The following MELK variants were observed in gnomAD, a reference collection of about 807,000 sequenced individuals.
MELK encodes maternal embryonic leucine zipper kinase.
MELK carries 81 observed loss-of-function variants against 85.0 expected under a neutral mutation model. The observed-to-expected ratio is 0.95, with a 90% confidence interval of 0.80 to 1.15. The LOEUF (loss-of-function observed/expected upper bound fraction) is 1.15. Ranked by LOEUF, MELK falls within the 50% of genes most tolerant of loss-of-function variation. The pLI is 0.00. For synonymous variants in MELK, 252 were observed against 265.0 expected (o/e 0.95, Z 0.48); for missense variants, 754 against 777.5 (o/e 0.97, Z 0.36).
At chr9:36,643,794 C>T (rs1321315865) in intron 11 of MELK, among the ~76,000 whole-genome samples, 3 of 151,752 alleles carry the variant, frequency 2.0e-5, no homozygotes, top group South Asian at 2.1e-4. Flanking sequence ...ATTAGCCGGG[C>T]GTTGTAGCAG....
intron 8 of MELK, among the ~76,000 whole-genome samples, chr9:36,625,372 C>T (rs971713914): frequency 6.6e-6 from 1 of 152,140 alleles, no homozygotes; most frequent in Non-Finnish European, 1.5e-5. Flanking sequence ...ACTGGGATCA[C>T]GAAAAGCCTG....
intron 14 of MELK, among the ~76,000 whole-genome samples, chr9:36,667,468 AT>A (rs988527518): frequency 3.3e-4 from 50 of 152,228 alleles, no homozygotes; most frequent in Admixed American, 6.5e-4. Flanking sequence ...GGGCTTTTTT[AT>A]TTAAAAAAAA....
At chr9:36,672,963 TA>T (rs1833014230) in intron 16 of MELK, among the ~76,000 whole-genome samples, 2 of 152,352 alleles carry the variant, frequency 1.3e-5, no homozygotes, top group South Asian at 4.1e-4. Context: ...AAATTAACCT[TA>T]TTTTTTTTCA....
At chr9:36,597,118 T>G (rs2135521576) in intron 5 of MELK, 104 bp from the exon 6 acceptor site, 18 of 882,170 alleles carry the variant, frequency 2.0e-5, no homozygotes, top group Non-Finnish European at 3.1e-5. Context: ...ATTACAGGCA[T>G]GAGCTGCCAC....
intron 9 of MELK, among the ~76,000 whole-genome samples, chr9:36,631,772 T>C (rs1188148973): frequency 6.6e-6 from 1 of 152,102 alleles, no homozygotes; most frequent in Non-Finnish European, 1.5e-5. Context: ...GTTTTCTTTT[T>C]TTTTTGGTTG....
intron 8 of MELK, among the ~76,000 whole-genome samples, chr9:36,615,541 G>T (rs1262687947): frequency 7.2e-6 from 1 of 139,114 alleles, no homozygotes; most frequent in African/African-American, 3.1e-5. Flanking sequence ...GGGCGGAGAC[G>T]CTCCTCACTT....
rs140035730 is a variant in MELK, at chr9:36,656,288, C to G, written c.1054-953C>G. On this transcript the variant is annotated intron_variant, in intron 12 of 17. Coordinates refer to ENST00000298048, the MANE Select transcript of MELK (RefSeq NM_014791.4). ...CCCTCCATCTTCTACTTTGTCAGAT[C>G]TTTTTATTTGTAAATTTGCAGTAGA... Among the ~76,000 whole-genome samples, 506 of 152,206 alleles carry G rather than the reference C, an allele frequency of 3.3e-3. 2 individuals carry two copies. Among genetic ancestry groups the G allele is most frequent in the African/African-American group, 0.012 (479 of 41,548 alleles).
At chr9:36,596,319 G>A (rs935868570) in intron 5 of MELK, among the ~76,000 whole-genome samples, 3 of 149,400 alleles carry the variant, frequency 2.0e-5, no homozygotes, top group African/African-American at 4.9e-5. Flanking sequence ...GCAGTGGTGC[G>A]ATCTCCGCTC....
intron 14 of MELK, among the ~76,000 whole-genome samples, chr9:36,667,922 C>T (rs1218714255): frequency 1.3e-5 from 2 of 152,100 alleles, no homozygotes; most frequent in Middle Eastern, 3.2e-3. Context: ...TGCGCACCAC[C>T]ATGCCCGGTT....
intron 1 of MELK, among the ~76,000 whole-genome samples, chr9:36,574,430 CA>C (rs78915626): frequency 0.18 from 14,567 of 80,068 alleles, 714 homozygotes; most frequent in African/African-American, 0.21. Context: ...ACTAAAAATA[CA>C]AAAAAAAAAA....
At chr9:36,640,407 A>G (rs1043049942) in intron 10 of MELK, among the ~76,000 whole-genome samples, 4 of 152,086 alleles carry the variant, frequency 2.6e-5, no homozygotes, top group Non-Finnish European at 5.9e-5. Context: ...GAGAAAGGGG[A>G]AAGGCCTCTG....
At chr9:36,601,204 G>A (rs1824885492) in intron 7 of MELK, among the ~76,000 whole-genome samples, 1 of 151,962 alleles carries the variant, frequency 6.6e-6, no homozygotes, top group African/African-American at 2.4e-5. Flanking sequence ...GGTATTAATT[G>A]TACCAATAAT....
At chr9:36,599,815 T>A (rs747679138) in intron 7 of MELK, among the ~76,000 whole-genome samples, 2 of 152,216 alleles carry the variant, frequency 1.3e-5, no homozygotes, top group Non-Finnish European at 2.9e-5. Flanking sequence ...GTTTCAGAGA[T>A]GCTGGTTAGC....
At chr9:36,589,512 A>G in intron 3 of MELK, 24 bp from the exon 4 acceptor site, 2 of 1,561,646 alleles carry the variant, frequency 1.3e-6, no homozygotes, top group Non-Finnish European at 1.8e-6. Context: ...TTTATTGCTC[A>G]TTCCATATGA....
At chr9:36,635,743 T>TAA (rs1266962474) in intron 10 of MELK, among the ~76,000 whole-genome samples, 1 of 152,162 alleles carries the variant, frequency 6.6e-6, no homozygotes, top group African/African-American at 2.4e-5. Flanking sequence ...CACCAAGTGT[T>TAA]ATTTAAGTTT....
chr9:36,632,960 G>A, intron 9 of MELK, 142 bp from the exon 10 acceptor site: 1 of 641,026 alleles, frequency 1.6e-6, no homozygotes, highest in Non-Finnish European at 2.7e-6. Context: ...TTTCTTCCAA[G>A]GCCATTTTAA....
intron 3 of MELK, among the ~76,000 whole-genome samples, chr9:36,589,093 A>G (rs879515097): frequency 4.0e-5 from 6 of 151,754 alleles, no homozygotes; most frequent in Admixed American, 1.3e-4. Flanking sequence ...AAATTTTGCT[A>G]TATTTTTCTG....
At chr9:36,628,724 G>A (rs1828186243) in intron 8 of MELK, among the ~76,000 whole-genome samples, 1 of 151,284 alleles carries the variant, frequency 6.6e-6, no homozygotes, top group Non-Finnish European at 1.5e-5. Context: ...GGCCAATGAT[G>A]TTTTGTTATA....
intron 14 of MELK, among the ~76,000 whole-genome samples, chr9:36,666,901 GT>G (rs1832419159): frequency 7.5e-6 from 1 of 134,034 alleles, no homozygotes; most frequent in Non-Finnish European, 1.7e-5. Flanking sequence ...GTGTGTGTGT[GT>G]GTGTGATGGT....
Sources: allele counts gnomAD v4.1 joint callset (sites outside exome capture counted in the v4.1 genomes callset), GRCh38; gene constraint gnomAD v4.1.1; transcripts MANE v1.5; gene names NCBI Gene and HGNC (gene_info 2026-07-23, HGNC 2026-07-21).